DAB1: variants seen among roughly 807,000 people sequenced by gnomAD.
The protein encoded by DAB1 is DAB adaptor protein 1.
Under a neutral mutation model 64.6 loss-of-function variants are expected in DAB1, and 15 were observed. That is an observed-to-expected ratio of 0.23 (90% CI 0.16 to 0.36). DAB1 has a LOEUF of 0.36. DAB1 is among the 10% of genes least tolerant of loss of function. The pLI, the probability that DAB1 is intolerant of heterozygous loss-of-function variation, is 1.00. For synonymous variants in DAB1, 235 were observed against 251.9 expected, an observed-to-expected ratio of 0.93 and a Z score of 0.64; for missense variants, 596 against 706.7, an observed-to-expected ratio of 0.84 and a Z score of 1.78.
At chr1:57,418,049 C>T (rs931901261) in intron 1 of DAB1, among the ~76,000 whole-genome samples, 1 of 152,156 alleles carries the variant, frequency 6.6e-6, no homozygotes, top group Non-Finnish European at 1.5e-5. Flanking sequence ...CCTGCTGTAA[C>T]AGTTATTTAT....
chr1:57,034,285 A>AAAAAAAAAAG (rs1206812459), intron 9 of DAB1, among the ~76,000 whole-genome samples: 2 of 151,460 alleles, frequency 1.3e-5, no homozygotes, highest in African/African-American at 2.4e-5. Context: ...TTTCAAAAAA[A>AAAAAAAAAAG]AAAAAAGAAA....
At chr1:57,428,122 C>T (rs1032443128), upstream of DAB1, among the ~76,000 whole-genome samples, 3 of 151,876 alleles carry the variant, frequency 2.0e-5, no homozygotes, top group Non-Finnish European at 2.9e-5. Flanking sequence ...GAGCTGAGAT[C>T]GCACCATTGT....
rs545754010 is a variant in DAB1 at position 57,604,920 on chromosome 1, T to C, written n.625+44672A>G. Among the ~76,000 whole-genome samples, 3 of 152,322 alleles carry C rather than the reference T, an allele frequency of 2.0e-5. No individual in the cohort carries two copies. In the East Asian group the frequency reaches 5.8e-4, roughly 29 times the overall value. On this transcript the variant is annotated intron_variant and non_coding_transcript_variant, in intron 7 of 20. Coordinates refer to the DAB1 transcript ENST00000485760. ...CAGACCTGAGACCTTACTTGAAATATCCTATCTCTTGTATCTTGGTGGCTT... is the reference window on the plus strand; with the variant it reads ...CAGACCTGAGACCTTACTTGAAATACCCTATCTCTTGTATCTTGGTGGCTT...
upstream of DAB1, among the ~76,000 whole-genome samples, chr1:57,424,962 A>G (rs1055981682): frequency 3.9e-5 from 6 of 152,344 alleles, no homozygotes; most frequent in East Asian, 1.9e-4. Context: ...AGGCGGCTCC[A>G]GCGAGTACAC....
At chr1:58,343,814 T>C (rs1643966802) in intron 3 of DAB1, among the ~76,000 whole-genome samples, 1 of 152,214 alleles carries the variant, frequency 6.6e-6, no homozygotes, top group South Asian at 2.1e-4. Flanking sequence ...TATGAAATGC[T>C]TTGTGAGTTG....
At chr1:57,929,739 C>A (rs375923266) in intron 5 of DAB1, among the ~76,000 whole-genome samples, 1 of 152,150 alleles carries the variant, frequency 6.6e-6, no homozygotes, top group South Asian at 2.1e-4. Context: ...CAAGGGGAAG[C>A]ATGCAGGTAC....
intron 6 of DAB1, among the ~76,000 whole-genome samples, chr1:57,760,202 T>G (rs1279402871): frequency 6.6e-6 from 1 of 152,118 alleles, no homozygotes; most frequent in East Asian, 1.9e-4. Flanking sequence ...AGGAACAACA[T>G]GGCTTTGAAT....
At chr1:57,406,195 T>C (rs557399652) in intron 1 of DAB1, among the ~76,000 whole-genome samples, 1 of 152,316 alleles carries the variant, frequency 6.6e-6, no homozygotes, top group East Asian at 1.9e-4. Flanking sequence ...CACCTCACCC[T>C]GTAAGCCCAG....
intron 5 of DAB1, among the ~76,000 whole-genome samples, chr1:58,126,582 A>G (rs1653107061): frequency 6.6e-6 from 1 of 150,806 alleles, no homozygotes; most frequent in South Asian, 2.1e-4. Flanking sequence ...CATTAGGTAT[A>G]TCTCCTGATG....
At chr1:58,045,983 G>A (rs1205194281) in intron 5 of DAB1, among the ~76,000 whole-genome samples, 1 of 150,118 alleles carries the variant, frequency 6.7e-6, no homozygotes, top group Non-Finnish European at 1.5e-5. Context: ...TGAAAATGGA[G>A]ACTAAAATTT....
chr1:58,120,279 T>C (rs1391359950), intron 5 of DAB1, among the ~76,000 whole-genome samples: 1 of 152,104 alleles, frequency 6.6e-6, no homozygotes, highest in Non-Finnish European at 1.5e-5. Context: ...TAGAAAAGCA[T>C]GGGACACTGG....
At chr1:58,243,663 T>C (rs1660400926) in intron 4 of DAB1, among the ~76,000 whole-genome samples, 1 of 152,208 alleles carries the variant, frequency 6.6e-6, no homozygotes, top group Non-Finnish European at 1.5e-5. Context: ...TTTATTTCAA[T>C]CTGAGAAACA....
intron 9 of DAB1, among the ~76,000 whole-genome samples, chr1:57,058,817 C>T (rs943366315): frequency 6.6e-6 from 1 of 152,198 alleles, no homozygotes; most frequent in Non-Finnish European, 1.5e-5. Context: ...AGGTTACTAC[C>T]ACAGTCCTCA....
intron 7 of DAB1, among the ~76,000 whole-genome samples, chr1:57,586,980 T>A (rs992795012): frequency 2.1e-4 from 32 of 152,166 alleles, no homozygotes; most frequent in Non-Finnish European, 4.6e-4. Context: ...AGTGAATAAA[T>A]TCCTCATCAA....
intron 1 of DAB1, among the ~76,000 whole-genome samples, chr1:57,422,387 C>T (rs1007641541): frequency 6.6e-6 from 1 of 152,174 alleles, no homozygotes; most frequent in Non-Finnish European, 1.5e-5. Flanking sequence ...GGCTCGCCCC[C>T]GTCCAGCTCC....
At chr1:57,515,272 C>T (rs2101361394) in intron 7 of DAB1, among the ~76,000 whole-genome samples, 1 of 152,270 alleles carries the variant, frequency 6.6e-6, no homozygotes, top group South Asian at 2.1e-4. Flanking sequence ...TTTAGACTTC[C>T]CCTGAAATAT....
chr1:57,771,320 C>T (rs1649551924), intron 6 of DAB1, among the ~76,000 whole-genome samples: 1 of 151,996 alleles, frequency 6.6e-6, no homozygotes, highest in African/African-American at 2.4e-5. Context: ...TGTAATTTAT[C>T]CACATCTCTG....
intron 3 of DAB1, among the ~76,000 whole-genome samples, chr1:58,465,497 G>T (rs936034758): frequency 6.6e-6 from 1 of 152,202 alleles, no homozygotes; most frequent in African/African-American, 2.4e-5. Context: ...AGTTCTGTGG[G>T]AAAAGGAGGC....
At chr1:58,121,713 T>A (rs1186096635) in intron 5 of DAB1, among the ~76,000 whole-genome samples, 1 of 152,186 alleles carries the variant, frequency 6.6e-6, no homozygotes, top group Non-Finnish European at 1.5e-5. Flanking sequence ...TGAAACACAC[T>A]ACACAGGTGT....
Sources: allele counts gnomAD v4.1 joint callset (sites outside exome capture counted in the v4.1 genomes callset), GRCh38; gene constraint gnomAD v4.1.1; transcripts MANE v1.5; gene names NCBI Gene and HGNC (gene_info 2026-07-23, HGNC 2026-07-21).